Variants in RBFOX1 observed in about 807,000 individuals in gnomAD.
RBFOX1 encodes RNA binding fox-1 homolog 1.
RBFOX1 carries 8 observed loss-of-function variants against 57.7 expected under a neutral mutation model. That is an observed-to-expected ratio of 0.14 (90% confidence interval 0.08 to 0.25). The LOEUF (loss-of-function observed/expected upper bound fraction) is 0.25. RBFOX1 is among the 10% of genes least tolerant of loss of function. The pLI is 1.00. For missense variants in RBFOX1, 611 were observed against 548.5 expected (o/e 1.11, Z -1.14); for synonymous variants, 326 against 222.4 (o/e 1.47, Z -4.15).
intron 4 of RBFOX1, among the ~76,000 whole-genome samples, chr16:7,242,652 C>T (rs751146929): frequency 2.0e-5 from 3 of 152,194 alleles, no homozygotes; most frequent in Non-Finnish European, 4.4e-5. Flanking sequence ...GCAGTCAATT[C>T]AGTCCAACAT....
intron 4 of RBFOX1, among the ~76,000 whole-genome samples, chr16:7,077,831 T>C (rs1196829259): frequency 6.6e-6 from 1 of 152,196 alleles, no homozygotes; most frequent in Non-Finnish European, 1.5e-5. Context: ...TGAGATGTGC[T>C]TCCAGCTACA....
chr16:6,833,317 C>T (rs547479698), intron 3 of RBFOX1, among the ~76,000 whole-genome samples: 6 of 151,958 alleles, frequency 3.9e-5, no homozygotes, highest in African/African-American at 9.7e-5. Flanking sequence ...AGGCTCCCAA[C>T]ACCATGCCTG....
At chr16:7,030,958 C>G (rs1348153185) in intron 3 of RBFOX1, among the ~76,000 whole-genome samples, 1 of 152,108 alleles carries the variant, frequency 6.6e-6, no homozygotes, top group East Asian at 1.9e-4. Context: ...ATAAAATGAT[C>G]AAGAAAGGAC....
At chr16:5,299,126 C>T (rs1480677812) in intron 1 of RBFOX1, among the ~76,000 whole-genome samples, 1 of 151,290 alleles carries the variant, frequency 6.6e-6, no homozygotes, top group Non-Finnish European at 1.5e-5. Context: ...TAACAATTTC[C>T]ATCACAATAA....
intron 3 of RBFOX1, among the ~76,000 whole-genome samples, chr16:6,819,725 AAAAAAATAAC>A (rs778535473): frequency 0.017 from 2,359 of 141,478 alleles, 220 homozygotes; most frequent in East Asian, 0.087. Context: ...AAAAAAAAAA[AAAAAAATAAC>A]AACACCAAAA....
chr16:7,210,714 C>T (rs1019975687), intron 4 of RBFOX1, among the ~76,000 whole-genome samples: 2 of 152,026 alleles, frequency 1.3e-5, no homozygotes, highest in African/African-American at 4.8e-5. Flanking sequence ...ATTGTTGCTC[C>T]AATTATCATT....
At chr16:6,842,909 A>C (rs768794099) in intron 3 of RBFOX1, among the ~76,000 whole-genome samples, 2 of 152,026 alleles carry the variant, frequency 1.3e-5, no homozygotes, top group Non-Finnish European at 2.9e-5. Flanking sequence ...CTTATGAGTG[A>C]GAACATGCAG....
chr16:5,993,496 C>G (rs1478446312), intron 4 of RBFOX1, among the ~76,000 whole-genome samples: 1 of 151,912 alleles, frequency 6.6e-6, no homozygotes, highest in East Asian at 1.9e-4. Context: ...GTGAAGGAGG[C>G]AGAAAATACA....
chr16:6,879,739 C>T (rs955144401), intron 3 of RBFOX1, among the ~76,000 whole-genome samples: 3 of 152,148 alleles, frequency 2.0e-5, no homozygotes, highest in Non-Finnish European at 4.4e-5. Flanking sequence ...CCTCTGGATC[C>T]TACTTAACAG....
At chr16:6,058,766 C>A (rs1567352488) in intron 1 of RBFOX1, among the ~76,000 whole-genome samples, 1 of 151,444 alleles carries the variant, frequency 6.6e-6, no homozygotes, top group African/African-American at 2.4e-5. Context: ...CTCATCCATT[C>A]ATTCACCCAC....
At chr16:5,570,764 C>T (rs565241512) in intron 2 of RBFOX1, among the ~76,000 whole-genome samples, 16 of 150,052 alleles carry the variant, frequency 1.1e-4, no homozygotes, top group Non-Finnish European at 1.5e-4. Flanking sequence ...TGCTTGAACC[C>T]GGGAGATCGA....
intron 1 of RBFOX1, among the ~76,000 whole-genome samples, chr16:6,225,874 C>G (rs1388246070): frequency 6.6e-6 from 1 of 152,110 alleles, no homozygotes; most frequent in Admixed American, 6.5e-5. Context: ...ATGCAAAAGC[C>G]TTTGTAGACT....
intron 4 of RBFOX1, among the ~76,000 whole-genome samples, chr16:7,128,756 G>A (rs1382202481): frequency 6.6e-6 from 1 of 151,990 alleles, no homozygotes; most frequent in Non-Finnish European, 1.5e-5. Flanking sequence ...CTAGAACTGG[G>A]GAAGAATCGG....
chr16:6,210,691 C>G (rs1345882002), intron 1 of RBFOX1, among the ~76,000 whole-genome samples: 1 of 151,288 alleles, frequency 6.6e-6, no homozygotes, highest in Non-Finnish European at 1.5e-5. Flanking sequence ...CCACTGCACT[C>G]CAGTGCCTGG....
intron 4 of RBFOX1, among the ~76,000 whole-genome samples, chr16:5,924,880 G>A (rs920319690): frequency 6.6e-6 from 1 of 152,138 alleles, no homozygotes; most frequent in African/African-American, 2.4e-5. Flanking sequence ...AAGTCTAACT[G>A]TATCCGCCTT....
At chr16:6,961,807 T>C (rs2083079388) in intron 3 of RBFOX1, among the ~76,000 whole-genome samples, 1 of 152,166 alleles carries the variant, frequency 6.6e-6, no homozygotes, top group African/African-American at 2.4e-5. Context: ...TAATGCGTTA[T>C]AATTAATGTA....
At chr16:6,600,464 C>G (rs951430276) in intron 2 of RBFOX1, among the ~76,000 whole-genome samples, 3 of 152,188 alleles carry the variant, frequency 2.0e-5, no homozygotes, top group Non-Finnish European at 2.9e-5. Context: ...TTCTGGCATT[C>G]TGAAAAGAAC....
At chr16:6,614,991 T>C (rs143386987) in intron 2 of RBFOX1, among the ~76,000 whole-genome samples, 263 of 152,330 alleles carry the variant, frequency 1.7e-3, no homozygotes, top group Non-Finnish European at 2.9e-3. Flanking sequence ...AGTCGAATTG[T>C]TTTGGGCATT....
chr16:6,076,094 TTCAAAA>T (rs1266676259), intron 1 of RBFOX1, among the ~76,000 whole-genome samples: 1 of 150,444 alleles, frequency 6.6e-6, no homozygotes, highest in African/African-American at 2.4e-5. Flanking sequence ...AGTTTGGGGG[TTCAAAA>T]CCAGCCTGAC....
Sources: gnomAD v4.1 joint callset for allele counts (sites outside exome capture counted in the v4.1 genomes callset) on GRCh38, gnomAD v4.1.1 for gene constraint, MANE v1.5 for transcripts, NCBI Gene and HGNC (gene_info 2026-07-23, HGNC 2026-07-21) for gene names.